Variants in WDR47 observed in about 807,000 individuals in gnomAD.
The protein encoded by WDR47 is WD repeat-containing protein 47.
A neutral mutation model predicts 97.2 loss-of-function variants in WDR47; 32 were observed. The observed-to-expected ratio is 0.33, with a 90% CI of 0.25 to 0.44. The LOEUF (loss-of-function observed/expected upper bound fraction) is 0.44, where lower values mean the gene tolerates loss of function less well. WDR47 is among the 20% of genes least tolerant of loss of function. WDR47 has a pLI of 1.00. For missense variants in WDR47, 782 were observed against 1,102.3 expected (o/e 0.71, Z 4.11); for synonymous variants, 375 against 373.5 (o/e 1.00, Z -0.05).
intron 6 of WDR47, among the ~76,000 whole-genome samples, chr1:109,003,115 G>A (rs1660336670): frequency 1.3e-5 from 2 of 152,194 alleles, no homozygotes; most frequent in Admixed American, 6.5e-5. Context: ...AGAAGGATAC[G>A]TATTCTGCTG....
At chr1:108,992,963 C>T (rs1421914837) in intron 8 of WDR47, 2 of 679,610 alleles carry the variant, frequency 2.9e-6, no homozygotes, top group Non-Finnish European at 4.9e-6. Flanking sequence ...CTTAAAAGGG[C>T]CCATGAAATA....
At chr1:109,041,383 C>G (rs1486151019) in intron 1 of WDR47, 1 of 152,300 alleles carries the variant, frequency 6.6e-6, no homozygotes, top group Non-Finnish European at 1.5e-5. Context: ...GCGGGGCTCC[C>G]AGCCCCGCCG....
In WDR47 at chr1:108,970,875, C is replaced by T. The variant is rs507776; in HGVS notation, c.*555G>A. ...GTTTTTCATTCATCTTTAAACTCCA[C>T]AATGATCCTTAAGTGAAAGCAACCA... On this transcript the variant is annotated 3_prime_UTR_variant, in exon 15 of 15. Coordinates refer to ENST00000369962, the MANE Select transcript of WDR47 (RefSeq NM_001142551.2). 0.8 allele frequency: 122,371 copies of T among 152,332 alleles called. 49,371 individuals are homozygous for T. Among genetic ancestry groups the T allele is most frequent in the Middle Eastern group, 0.89 (261 of 294 alleles). The allele number at this position is 152,332 out of a possible 1,614,324, so 9.4% of individuals were successfully genotyped here.
chr1:109,010,445 C>T (rs1660955768), intron 5 of WDR47, among the ~76,000 whole-genome samples: 1 of 152,226 alleles, frequency 6.6e-6, no homozygotes, highest in South Asian at 2.1e-4. Flanking sequence ...GTAGTCCCAG[C>T]TACTCAGGGG....
chr1:109,016,484 AC>A (rs201617578), intron 3 of WDR47, among the ~76,000 whole-genome samples: 1,562 of 152,288 alleles, frequency 0.01, 12 homozygotes, highest in Non-Finnish European at 0.017. Context: ...TAGGAAACAT[AC>A]CAAAATCTAC....
intron 2 of WDR47, among the ~76,000 whole-genome samples, chr1:109,021,346 G>A (rs1661822588): frequency 2.0e-5 from 3 of 152,066 alleles, no homozygotes; most frequent in Middle Eastern, 3.4e-3. Flanking sequence ...TTGCCAAAAT[G>A]GTGAAACCTT....
In WDR47 at chr1:109,031,222, C is replaced by T. The variant is rs1310287538; in HGVS notation, c.-9-7701G>A. Among the ~76,000 whole-genome samples, 2 of 140,004 alleles carry T rather than the reference C, an allele frequency of 1.4e-5. 1 individual carries two copies. The highest frequency in any genetic ancestry group is 3.2e-5 in the Non-Finnish European group (2 of 62,866). 91.8% of individuals were successfully genotyped at this position (140,004 alleles called of 152,430 possible). A position where few individuals can be genotyped will look rare whatever the true frequency, so the allele number is the denominator to read the frequency against. ...TAACATTTGTAACATGGGTGCAGCA[C>T]GTGCCCCTGCTTACTGTTGACAGCA... is the stretch of plus-strand genomic sequence containing the variant. On this transcript the variant is annotated intron_variant, in intron 1 of 14. Transcript: ENST00000369962.
At chr1:108,985,976 CAAAAAAA>C (rs35165386) in intron 10 of WDR47, among the ~76,000 whole-genome samples, 1 of 96,154 alleles carries the variant, frequency 1.0e-5, no homozygotes, top group East Asian at 3.2e-4. Context: ...ATAGAGATAG[CAAAAAAA>C]AAAAAAAAAT....
At chr1:108,983,554 G>A (rs1658514211) in intron 10 of WDR47, 103 bp from the exon 11 acceptor site, 1 of 967,870 alleles carries the variant, frequency 1.0e-6, no homozygotes, top group Admixed American at 3.6e-5. Context: ...GAAAAAGCGT[G>A]TCAGACAACA....
intron 7 of WDR47, 128 bp from the exon 8 acceptor site, chr1:108,995,965 T>A: frequency 2.1e-6 from 2 of 963,168 alleles, no homozygotes; most frequent in South Asian, 1.8e-5. Context: ...AAATTTAGTG[T>A]TAAAAATTAC....
intron 7 of WDR47, among the ~76,000 whole-genome samples, chr1:109,001,925 AG>A (rs1476203247): frequency 6.6e-6 from 1 of 151,916 alleles, no homozygotes; most frequent in Non-Finnish European, 1.5e-5. Flanking sequence ...AGAGATAAAA[AG>A]AACTAGAGTG....
chr1:108,975,831 G>T (rs1448575826), intron 13 of WDR47, among the ~76,000 whole-genome samples: 3 of 152,116 alleles, frequency 2.0e-5, no homozygotes, highest in African/African-American at 7.2e-5. Context: ...ACATACATTT[G>T]TATGTAATAA....
chr1:108,976,361 T>A (rs1657892118), intron 13 of WDR47, among the ~76,000 whole-genome samples: 2 of 133,328 alleles, frequency 1.5e-5, no homozygotes, highest in East Asian at 2.1e-4. Flanking sequence ...TTATCAAAAC[T>A]AGGGAAGAGG....
intron 5 of WDR47, among the ~76,000 whole-genome samples, chr1:109,007,633 A>G (rs1205454195): frequency 6.6e-6 from 1 of 152,200 alleles, no homozygotes; most frequent in Non-Finnish European, 1.5e-5. Context: ...AGAAATTTAT[A>G]TTCACTGAGT....
At chr1:109,021,896 G>C (rs535254058) in intron 2 of WDR47, among the ~76,000 whole-genome samples, 7 of 151,984 alleles carry the variant, frequency 4.6e-5, no homozygotes, top group Non-Finnish European at 8.8e-5. Flanking sequence ...CGCCCAGGCT[G>C]GAGTACAGTG....
intron 5 of WDR47, among the ~76,000 whole-genome samples, chr1:109,008,949 G>A (rs1398191101): frequency 3.9e-5 from 6 of 152,100 alleles, no homozygotes; most frequent in African/African-American, 1.4e-4. Context: ...GCCGGGCGCA[G>A]TGGCGCACGC....
chr1:108,980,671 G>A (rs1033999876), intron 13 of WDR47, among the ~76,000 whole-genome samples: 21 of 152,156 alleles, frequency 1.4e-4, no homozygotes, highest in Admixed American at 9.2e-4. Context: ...AAAGGTTGCA[G>A]TGAGCCAAGA....
chr1:108,983,254 A>G, intron 11 of WDR47, 28 bp downstream of exon 11: 1 of 1,573,952 alleles, frequency 6.4e-7, no homozygotes, highest in South Asian at 1.2e-5. Context: ...CTGGTAAGCT[A>G]GCTACTGCTT....
intron 5 of WDR47, 59 bp downstream of exon 5, chr1:109,010,857 C>G: frequency 6.6e-7 from 1 of 1,510,084 alleles, no homozygotes; most frequent in Non-Finnish European, 9.0e-7. Flanking sequence ...GCTGGGATTA[C>G]AGGCATAAGC....
Sources: gnomAD v4.1 joint callset for allele counts (sites outside exome capture counted in the v4.1 genomes callset) on GRCh38, gnomAD v4.1.1 for gene constraint, MANE v1.5 for transcripts, NCBI Gene and HGNC (gene_info 2026-07-23, HGNC 2026-07-21) for gene names.